MYOCD: variants seen among roughly 807,000 people sequenced by gnomAD.
MYOCD encodes the protein myocardin.
In MYOCD, 32 loss-of-function variants were observed where a neutral mutation model predicts 96.1. The observed-to-expected ratio is 0.33, with a 90% CI of 0.25 to 0.45. The LOEUF (loss-of-function observed/expected upper bound fraction) is 0.45. Ranked by LOEUF, MYOCD falls within the 20% of genes least tolerant of loss-of-function variation. The pLI is 1.00. For synonymous variants in MYOCD, 469 were observed against 469.0 expected, an observed-to-expected ratio of 1.00 and a Z score of 0.00; for missense variants, 1,133 against 1,200.6, an observed-to-expected ratio of 0.94 and a Z score of 0.83.
chr17:12,699,942 T>C (rs940804085), intron 1 of MYOCD, among the ~76,000 whole-genome samples: 4 of 143,058 alleles, frequency 2.8e-5, no homozygotes, highest in Non-Finnish European at 4.5e-5. Context: ...GGAGTCTTGC[T>C]CTTGTCACCC....
chr17:12,728,758 C>T (rs180753139), intron 5 of MYOCD, among the ~76,000 whole-genome samples: 528 of 152,300 alleles, frequency 3.5e-3, no homozygotes, highest in African/African-American at 0.012. Context: ...AGATTACAGG[C>T]GTGAGCCACC....
chr17:12,680,254 C>G (rs1018794556), intron 1 of MYOCD, among the ~76,000 whole-genome samples: 1 of 152,172 alleles, frequency 6.6e-6, no homozygotes, highest in African/African-American at 2.4e-5. Context: ...TGGATGCCCA[C>G]GGTTAACCTC....
Position 12,736,300 on chromosome 17 carries a change from A to G in MYOCD, c.555A>G (p.Ser185=). The change falls in exon 6 of 14, where the codon TCA becomes TCG. Residue 185 remains serine (S), a synonymous_variant. Transcript: ENST00000425538. ...GATCCCCGCCAGACGCTAAAGCCTC[A>G]GATACCCCTTCGACAGGTTCTCTGG... ...SAGSPPDAKA[S]DTPSTGSLGT... is the part of the protein sequence containing the mutation. 1 of 1,614,238 alleles carries G rather than the reference A, an allele frequency of 6.2e-7. No homozygotes were observed.
At chr17:12,724,037 AAT>A (rs2031925238) in intron 5 of MYOCD, among the ~76,000 whole-genome samples, 1 of 152,070 alleles carries the variant, frequency 6.6e-6, no homozygotes, top group African/African-American at 2.4e-5. Context: ...TGTCTACTTA[AAT>A]ATCCCACTGT....
intron 4 of MYOCD, among the ~76,000 whole-genome samples, chr17:12,722,437 CA>C (rs1197795087): frequency 6.6e-6 from 1 of 152,156 alleles, no homozygotes; most frequent in Admixed American, 6.5e-5. Flanking sequence ...CTTTAAAAGT[CA>C]TACTAGTACT....
At chr17:12,695,842 C>T (rs2030718876) in intron 1 of MYOCD, among the ~76,000 whole-genome samples, 1 of 151,256 alleles carries the variant, frequency 6.6e-6, no homozygotes, top group African/African-American at 2.4e-5. Flanking sequence ...ACTATAACCC[C>T]CCATTCTCTC....
At position 12,752,377 on chromosome 17, in the gene MYOCD, G is replaced by A. The variant is rs752173076; in HGVS notation, c.1126-37G>A. 3.9e-6 allele frequency: 6 copies of A among 1,529,682 alleles called. No homozygotes were observed. The East Asian group carries it at 6.8e-5, about 17-fold the overall frequency. The allele number at this position is 1,529,682 out of a possible 1,614,324, so 94.8% of individuals were successfully genotyped here. A position where few individuals can be genotyped will look rare whatever the true frequency, so the allele number is the denominator to read the frequency against. On this transcript the variant is annotated intron_variant, in intron 9 of 13. Coordinates refer to ENST00000425538, the MANE Select transcript of MYOCD (RefSeq NM_001146312.3). ...TGAATACACTTTTAAAAATATTGTC[G>A]TTAAACAGCACACTAACCACATTCT...
At chr17:12,670,994 C>G (rs548981711) in intron 1 of MYOCD, among the ~76,000 whole-genome samples, 25 of 152,316 alleles carry the variant, frequency 1.6e-4, no homozygotes, top group African/African-American at 5.8e-4. Context: ...CCATCTTAAT[C>G]ACTATAGCAA....
chr17:12,681,332 C>T (rs574953429), intron 1 of MYOCD, among the ~76,000 whole-genome samples: 9 of 152,276 alleles, frequency 5.9e-5, no homozygotes, highest in South Asian at 2.1e-4. Flanking sequence ...GTTATTTTAA[C>T]ATGAAAGCCT....
rs1205389503 is a variant in MYOCD at position 12,745,775 on chromosome 17, T to C, written c.972-144T>C. 7.7e-6 allele frequency: 6 copies of C among 781,826 alleles called. No homozygotes were observed. The East Asian group carries it at 1.2e-4, about 16-fold the overall frequency. The allele number at this position is 781,826 out of a possible 1,614,324, so 48.4% of individuals were successfully genotyped here. A position where few individuals can be genotyped will look rare whatever the true frequency, so the allele number is the denominator to read the frequency against. ...GCACCGCTTACCGTCTAGCCGGCAG[T>C]GTTGTTTTTCCTCACCCTGGTCTCT... is the stretch of plus-strand genomic sequence containing the variant. On this transcript the variant is annotated intron_variant, in intron 8 of 13. Coordinates refer to ENST00000425538, the MANE Select transcript of MYOCD (RefSeq NM_001146312.3).
rs1465249 is a variant in MYOCD at position 12,735,977 on chromosome 17, T to C, written c.416-184T>C. Among the ~76,000 whole-genome samples, 80,268 of 152,110 alleles carry C rather than the reference T, an allele frequency of 0.53. 21,598 individuals carry two copies. The highest frequency in any genetic ancestry group is 0.86 in the East Asian group (4,447 of 5,180). Reference sequence around the variant, plus strand: ...CTTTGATAGAGCACTCTTTCCTCCATGCCAAACAAACCGCTTTTTATAAAC... The same window carrying C: ...CTTTGATAGAGCACTCTTTCCTCCACGCCAAACAAACCGCTTTTTATAAAC... On this transcript the variant is annotated intron_variant, in intron 5 of 13. Transcript: ENST00000425538.
chr17:12,734,285 T>C (rs12603345), intron 5 of MYOCD, among the ~76,000 whole-genome samples: 68,619 of 151,690 alleles, frequency 0.45, 15,871 homozygotes, highest in East Asian at 0.67. Flanking sequence ...GCTCTCAGAC[T>C]GAGGGTCCTG....
rs1399315304 is a variant in MYOCD at position 12,736,374 on chromosome 17, G to A, written c.591+38G>A. On this transcript the variant is annotated intron_variant, in intron 6 of 13. Transcript: ENST00000425538. ...ACAAACAAACGAAAAAAGTAAAACA[G>A]CATCTCAGTGTATTATCGTTTCAGT... 2.5e-6 allele frequency: 4 copies of A among 1,598,920 alleles called. No individual in the cohort carries two copies. The East Asian group carries it at 6.7e-5, about 27-fold the overall frequency.
Position 12,753,322 on chromosome 17 carries a change from C to T in MYOCD, c.2034C>T (p.Ile678=), listed in dbSNP as rs2032917209. ...AAGGGCACAGGGTCTCCTCGCCCATCAGCAGCCAGGTGTGCACTGCACAGG... is the reference window on the plus strand; with the variant it reads ...AAGGGCACAGGGTCTCCTCGCCCATTAGCAGCCAGGTGTGCACTGCACAGG... ...QGEGHRVSSP[I]SSQVCTAQNS... The change falls in exon 10 of 14, where the codon ATC becomes ATT. Residue 678 remains isoleucine (I), a synonymous_variant. Transcript: ENST00000425538. 2 of 1,605,492 alleles carry T rather than the reference C, an allele frequency of 1.2e-6. No homozygotes were observed. Among genetic ancestry groups the T allele is most frequent in the Non-Finnish European group, 1.7e-6 (2 of 1,175,814 alleles).
intron 1 of MYOCD, among the ~76,000 whole-genome samples, chr17:12,675,733 C>T (rs1006878832): frequency 3.3e-5 from 5 of 152,142 alleles, no homozygotes; most frequent in Middle Eastern, 3.2e-3. Context: ...GTGGCGCAAG[C>T]CTGTAGTCCC....
intron 5 of MYOCD, among the ~76,000 whole-genome samples, chr17:12,733,867 AAAAAAAG>A (rs986331639): frequency 2.2e-5 from 3 of 133,774 alleles, no homozygotes; most frequent in Non-Finnish European, 3.2e-5. Context: ...CTCCGTCTCA[AAAAAAAG>A]AAAAAAGAAA....
intron 10 of MYOCD, 141 bp downstream of exon 10, chr17:12,753,487 A>C: frequency 1.3e-6 from 1 of 768,948 alleles, no homozygotes; most frequent in Non-Finnish European, 2.0e-6. Context: ...AGACACTACA[A>C]TCCTTGAATC....
intron 1 of MYOCD, among the ~76,000 whole-genome samples, chr17:12,674,828 C>T (rs1357369354): frequency 6.6e-6 from 1 of 152,020 alleles, no homozygotes; most frequent in East Asian, 1.9e-4. Context: ...GCTAAGGAAA[C>T]CTATAAAATA....
chr17:12,680,219 A>G (rs1910368361), intron 1 of MYOCD, among the ~76,000 whole-genome samples: 1 of 152,122 alleles, frequency 6.6e-6, no homozygotes, highest in African/African-American at 2.4e-5. Context: ...TCTCCTTTAT[A>G]TCTAATTTTT....
Sources: allele counts gnomAD v4.1 joint callset (sites outside exome capture counted in the v4.1 genomes callset), GRCh38; gene constraint gnomAD v4.1.1; transcripts MANE v1.5; gene names NCBI Gene and HGNC (gene_info 2026-07-23, HGNC 2026-07-21).